TAS2R1: variants seen among roughly 807,000 people sequenced by gnomAD.
TAS2R1 encodes the protein taste receptor type 2 member 1.
For missense variants in TAS2R1, 370 were observed against 353.4 expected, an observed-to-expected ratio of 1.05 and a Z score of -0.38; for synonymous variants, 141 against 134.2, an observed-to-expected ratio of 1.05 and a Z score of -0.35.
chr5:9,885,588 C>CA, the TAS2R1 span, among the ~76,000 whole-genome samples: 2 of 152,058 alleles, frequency 1.3e-5, no homozygotes, highest in African/African-American at 2.4e-5. Context: ...TGATATAAGT[C>CA]AGGGGGGAAA....
the TAS2R1 span, among the ~76,000 whole-genome samples, chr5:9,890,678 T>C: frequency 3.8e-4 from 58 of 152,360 alleles, no homozygotes; most frequent in African/African-American, 1.3e-3. Context: ...AACATGTAAG[T>C]GTCCATGTAA....
the TAS2R1 span, among the ~76,000 whole-genome samples, chr5:9,809,839 C>G: frequency 6.6e-6 from 1 of 152,314 alleles, no homozygotes; most frequent in African/African-American, 2.4e-5. Context: ...TAGAGCCACA[C>G]ATGAATCTAC....
the TAS2R1 span, among the ~76,000 whole-genome samples, chr5:9,816,787 T>C: frequency 6.6e-6 from 1 of 152,174 alleles, no homozygotes; most frequent in Non-Finnish European, 1.5e-5. Context: ...AATAATAGTA[T>C]AACTGATCAT....
chr5:9,745,302 T>A, the TAS2R1 span, among the ~76,000 whole-genome samples: 1 of 152,100 alleles, frequency 6.6e-6, no homozygotes, highest in African/African-American at 2.4e-5. Context: ...GAGCAGAGCA[T>A]GAGATATTAT....
chr5:9,776,012 T>C, the TAS2R1 span, among the ~76,000 whole-genome samples: 6 of 152,220 alleles, frequency 3.9e-5, no homozygotes, highest in Non-Finnish European at 8.8e-5. Flanking sequence ...AGCCCTGGAC[T>C]TGCCCAGGAT....
the TAS2R1 span, among the ~76,000 whole-genome samples, chr5:9,898,629 G>T: frequency 6.6e-6 from 1 of 152,154 alleles, no homozygotes; most frequent in African/African-American, 2.4e-5. Context: ...ACTCTGCAAG[G>T]TCCCAGGTCT....
the TAS2R1 span, among the ~76,000 whole-genome samples, chr5:9,721,103 CT>C: frequency 1.3e-5 from 2 of 151,916 alleles, no homozygotes; most frequent in Non-Finnish European, 2.9e-5. Context: ...CTGATCAAGC[CT>C]TTTTTTTGGC....
chr5:9,754,570 A>C, the TAS2R1 span, among the ~76,000 whole-genome samples: 1 of 152,228 alleles, frequency 6.6e-6, no homozygotes, highest in Admixed American at 6.5e-5. Flanking sequence ...ATACAAAATC[A>C]ATGTGCAAAA....
At chr5:9,776,017 C>T in the TAS2R1 span, among the ~76,000 whole-genome samples, 1 of 152,166 alleles carries the variant, frequency 6.6e-6, no homozygotes, top group Non-Finnish European at 1.5e-5. Flanking sequence ...TGGACTTGCC[C>T]AGGATTTGCA....
the TAS2R1 span, among the ~76,000 whole-genome samples, chr5:9,849,355 G>T: frequency 6.6e-6 from 1 of 152,308 alleles, no homozygotes; most frequent in Non-Finnish European, 1.5e-5. Context: ...TTCAAATGCT[G>T]GAGACCAAGC....
chr5:9,692,641 G>A (rs1474164823), intron 1 of TAS2R1, among the ~76,000 whole-genome samples: 1 of 152,146 alleles, frequency 6.6e-6, no homozygotes, highest in Non-Finnish European at 1.5e-5. Context: ...TGTGAATGAT[G>A]TTCATCCTAA....
At chr5:9,725,079 A>AG in the TAS2R1 span, among the ~76,000 whole-genome samples, 1 of 152,212 alleles carries the variant, frequency 6.6e-6, no homozygotes, top group African/African-American at 2.4e-5. Context: ...ACAGGTGATG[A>AG]GGGGGACTCC....
At chr5:9,766,212 C>T in the TAS2R1 span, among the ~76,000 whole-genome samples, 1 of 152,172 alleles carries the variant, frequency 6.6e-6, no homozygotes, top group African/African-American at 2.4e-5. Context: ...TCCAACAAAC[C>T]TAGATAATCC....
At chr5:9,798,144 G>A in the TAS2R1 span, among the ~76,000 whole-genome samples, 5 of 152,188 alleles carry the variant, frequency 3.3e-5, no homozygotes, top group Admixed American at 6.5e-5. Context: ...CATGGTGTAC[G>A]ATTTGATTAA....
chr5:9,837,326 G>C, the TAS2R1 span, among the ~76,000 whole-genome samples: 1 of 152,160 alleles, frequency 6.6e-6, no homozygotes, highest in Non-Finnish European at 1.5e-5. Context: ...TGGGGTCCTA[G>C]AATAGCAGAG....
chr5:9,823,748 A>T, the TAS2R1 span, among the ~76,000 whole-genome samples: 1 of 152,012 alleles, frequency 6.6e-6, no homozygotes, highest in Non-Finnish European at 1.5e-5. Flanking sequence ...GGAAGGAAGG[A>T]AAGAAAGAAA....
upstream of TAS2R1, among the ~76,000 whole-genome samples, chr5:9,634,450 T>C (rs191139982): frequency 3.3e-5 from 5 of 152,278 alleles, no homozygotes; most frequent in East Asian, 9.6e-4. Context: ...TTTGGTTCCA[T>C]ATGAATTTTA....
the TAS2R1 span, among the ~76,000 whole-genome samples, chr5:9,740,760 G>A: frequency 3.3e-5 from 5 of 152,306 alleles, no homozygotes; most frequent in South Asian, 2.1e-4. Context: ...AGGTAACACC[G>A]AGGAGTGGGT....
chr5:9,629,322 GT>G, downstream of TAS2R1: 1 of 1,613,758 alleles, frequency 6.2e-7, no homozygotes, highest in Non-Finnish European at 8.5e-7. Context: ...AGTGGGAGAA[GT>G]AGAGGATCAG....
Sources: gnomAD v4.1 joint callset for allele counts (sites outside exome capture counted in the v4.1 genomes callset) on GRCh38, gnomAD v4.1.1 for gene constraint, MANE v1.5 for transcripts, NCBI Gene and HGNC (gene_info 2026-07-23, HGNC 2026-07-21) for gene names.